NUP210L: variants seen among roughly 807,000 people sequenced by gnomAD.
The protein encoded by NUP210L is nucleoporin 210 like, also known as nuclear pore membrane glycoprotein 210-like.
NUP210L carries 74 observed loss-of-function variants against 208.5 expected under a neutral mutation model. The observed-to-expected ratio is 0.35, with a 90% CI of 0.29 to 0.43. The LOEUF is 0.43. Among genes scored for constraint, NUP210L ranks in the 20% least tolerant of loss-of-function variants. The pLI is 1.00. For missense variants in NUP210L, 1,843 were observed against 2,289.4 expected (o/e 0.81, Z 3.98); for synonymous variants, 780 against 816.9 (o/e 0.95, Z 0.77).
chr1:154,149,124 C>T (rs1306168464), intron 2 of NUP210L, among the ~76,000 whole-genome samples: 1 of 117,778 alleles, frequency 8.5e-6, no homozygotes, highest in Non-Finnish European at 1.7e-5. Context: ...TTGCTCTTGT[C>T]GCCCAGGCTG....
At chr1:154,001,653 C>A (rs748083976) in intron 36 of NUP210L, 82 bp downstream of exon 36, 7 of 1,435,640 alleles carry the variant, frequency 4.9e-6, no homozygotes, top group Non-Finnish European at 6.7e-6. Context: ...TCAGTAACTT[C>A]TTTTGCCCTT....
chr1:154,131,950 C>T (rs1193793416), intron 7 of NUP210L, among the ~76,000 whole-genome samples: 1 of 152,066 alleles, frequency 6.6e-6, no homozygotes, highest in Non-Finnish European at 1.5e-5. Flanking sequence ...GCTGGGATTA[C>T]AGGCGTGCAT....
chr1:154,027,103 A>C (rs1229844169), intron 29 of NUP210L, among the ~76,000 whole-genome samples: 10 of 150,362 alleles, frequency 6.7e-5, no homozygotes, highest in Non-Finnish European at 1.2e-4. Context: ...AAAACAAAAA[A>C]AAAAAAACAA....
In NUP210L at chr1:154,109,065, A is replaced by G. The variant is rs1656914595; in HGVS notation, c.1621-4855T>C. ...CGGTGAGCCGAGATCATGCCATCGCACTCCAGCCTGGGCAACAAGAGTGAA... is the reference window on the plus strand; with the variant it reads ...CGGTGAGCCGAGATCATGCCATCGCGCTCCAGCCTGGGCAACAAGAGTGAA... On this transcript the variant is annotated intron_variant, in intron 12 of 39. Coordinates refer to ENST00000368559, the Ensembl canonical transcript of NUP210L. 2.0e-5 allele frequency among the ~76,000 whole-genome samples: 3 copies of G among 151,812 alleles called. No individual in the cohort carries two copies. In the South Asian group the frequency reaches 6.2e-4, roughly 31 times the overall value.
At chr1:154,152,965 A>T in intron 1 of NUP210L, 93 bp from the exon 2 acceptor site, 4 of 1,081,818 alleles carry the variant, frequency 3.7e-6, no homozygotes, top group Admixed American at 1.9e-5. Flanking sequence ...CATGTTACAT[A>T]CTACCAGGTA....
At chr1:154,082,093 A>G (rs1571250561) in intron 16 of NUP210L, among the ~76,000 whole-genome samples, 1 of 152,238 alleles carries the variant, frequency 6.6e-6, no homozygotes, top group African/African-American at 2.4e-5. Context: ...TGGAGAGGGC[A>G]TGGACGCTGC....
At chr1:154,009,163 G>A (rs61542760) in intron 35 of NUP210L, among the ~76,000 whole-genome samples, 40,610 of 151,648 alleles carry the variant, frequency 0.27, 6,017 homozygotes, top group Admixed American at 0.39. Flanking sequence ...CACCTGCCTC[G>A]GCCTCCCAAA....
chr1:154,064,840 C>T (rs1334299015), intron 17 of NUP210L, among the ~76,000 whole-genome samples: 2 of 150,076 alleles, frequency 1.3e-5, no homozygotes, highest in Middle Eastern at 3.7e-3. Flanking sequence ...TTTGGAAGGC[C>T]GAGGCAGGCA....
In NUP210L at chr1:154,134,018, C is replaced by T. The variant is rs186940335; in HGVS notation, c.1009+1796G>A. On this transcript the variant is annotated intron_variant, in intron 7 of 39. Transcript: ENST00000368559. ...TACAAAAATTAGCCGGGCATGGTGG[C>T]GCACACCTGTAATCCCAGCTGCTTA... 7.6e-4 allele frequency among the ~76,000 whole-genome samples: 116 copies of T among 151,750 alleles called. 1 individual carries two copies. Among genetic ancestry groups the T allele is most frequent in the African/African-American group, 2.2e-3 (89 of 41,388 alleles).
chr1:154,127,949 G>A (rs1400131641), intron 8 of NUP210L, among the ~76,000 whole-genome samples: 1 of 151,934 alleles, frequency 6.6e-6, no homozygotes, highest in Non-Finnish European at 1.5e-5. Flanking sequence ...CTGCAGCCTC[G>A]ACCTCCTGGG....
exon 32 of NUP210L, chr1:154,022,189 C>T: frequency 3.7e-6 from 6 of 1,614,130 alleles, no homozygotes; most frequent in Non-Finnish European, 5.1e-6. Flanking sequence ...AGCTTGGTGT[C>T]TGGCTCAATG....
chr1:154,037,359 A>G (rs765695092), intron 27 of NUP210L, among the ~76,000 whole-genome samples: 2 of 151,888 alleles, frequency 1.3e-5, no homozygotes, highest in Non-Finnish European at 2.9e-5. Flanking sequence ...ATATCTGGGT[A>G]CTCCAGTATT....
intron 1 of NUP210L, among the ~76,000 whole-genome samples, chr1:154,154,564 AAC>A (rs1659592733): frequency 6.6e-6 from 1 of 151,966 alleles, no homozygotes; most frequent in Non-Finnish European, 1.5e-5. Context: ...ACCCCTTCCC[AAC>A]ACACACAGAG....
rs183403391 is a variant in NUP210L at position 154,087,609 on chromosome 1, G to T, written c.2361+1812C>A. On this transcript the variant is annotated intron_variant, in intron 16 of 39. Transcript: ENST00000368559. ...TAGCTATATACTCAAGAGAAATGAA[G>T]ACATATACTCACAAAAAAACTTGTA... Among the ~76,000 whole-genome samples the T allele has an allele frequency of 5.9e-5, 9 of 152,046 alleles. No homozygotes were observed. In the East Asian group the frequency reaches 1.7e-3, roughly 29 times the overall value.
At chr1:154,070,229 A>C (rs1654639991) in intron 17 of NUP210L, 44 bp downstream of exon 17, 1 of 1,445,124 alleles carries the variant, frequency 6.9e-7, no homozygotes, top group South Asian at 1.4e-5. Flanking sequence ...AACAAACAAA[A>C]AAACACTCAG....
intron 31 of NUP210L, among the ~76,000 whole-genome samples, chr1:154,022,769 C>T (rs1474005732): frequency 6.6e-6 from 1 of 150,824 alleles, no homozygotes; most frequent in Non-Finnish European, 1.5e-5. Flanking sequence ...CCTCTGCCTC[C>T]TGGGCTCAAG....
chr1:154,001,786 A>G (rs1571151508), exon 36 of NUP210L: 10 of 1,614,098 alleles, frequency 6.2e-6, no homozygotes, highest in Non-Finnish European at 8.5e-6. Flanking sequence ...TCTCCCCGAT[A>G]TCTTGTTTGT....
intron 25 of NUP210L, among the ~76,000 whole-genome samples, chr1:154,051,137 TC>T (rs2147979346): frequency 6.6e-6 from 1 of 152,300 alleles, no homozygotes; most frequent in South Asian, 2.1e-4. Flanking sequence ...ATGTAACTCT[TC>T]CAGGACCTTT....
chr1:154,056,914 A>T, exon 23 of NUP210L: 1 of 1,609,332 alleles, frequency 6.2e-7, no homozygotes, highest in Non-Finnish European at 8.5e-7. Context: ...GAAGAATATA[A>T]TTTTCAGAGT....
Sources: allele counts gnomAD v4.1 joint callset (sites outside exome capture counted in the v4.1 genomes callset), GRCh38; gene constraint gnomAD v4.1.1; transcripts MANE v1.5; gene names NCBI Gene and HGNC (gene_info 2026-07-23, HGNC 2026-07-21).